Variants in NIN observed in about 807,000 individuals in gnomAD.
The protein encoded by NIN is glycogen synthase kinase 3 beta-interacting protein.
Under a neutral mutation model 257.6 loss-of-function variants are expected in NIN, and 137 were observed. The ratio of observed to expected loss-of-function variants is 0.53; its 90% CI spans 0.46 to 0.61. NIN has a LOEUF of 0.61. Ranked by LOEUF, NIN falls within the 20% of genes least tolerant of loss-of-function variation. The pLI, the probability that NIN is intolerant of heterozygous loss-of-function variation, is 0.00. For synonymous variants in NIN, 918 were observed against 919.8 expected (o/e 1.00, Z 0.04); for missense variants, 2,439 against 2,501.2 (o/e 0.98, Z 0.53).
chr14:50,727,346 A>AG, intron 29 of NIN: 9 of 988,252 alleles, frequency 9.1e-6, no homozygotes, highest in Non-Finnish European at 1.1e-5. Context: ...CATATATAAA[A>AG]GTAGTACCTT....
chr14:50,763,458 G>A (rs1357784422), intron 15 of NIN, among the ~76,000 whole-genome samples: 1 of 152,214 alleles, frequency 6.6e-6, no homozygotes, highest in Non-Finnish European at 1.5e-5. Flanking sequence ...CTTCATATGA[G>A]TTACACACTC....
chr14:50,825,145 C>A (rs902128055), intron 2 of NIN, among the ~76,000 whole-genome samples: 2 of 152,060 alleles, frequency 1.3e-5, no homozygotes, highest in African/African-American at 4.8e-5. Flanking sequence ...AAAGCTGATA[C>A]AAGAGGGAAT....
intron 29 of NIN, among the ~76,000 whole-genome samples, chr14:50,728,222 A>G (rs2040509407): frequency 6.6e-6 from 1 of 152,164 alleles, no homozygotes; most frequent in Non-Finnish European, 1.5e-5. Flanking sequence ...TAGAAGGTCC[A>G]CTAAAAACTG....
chr14:50,734,518 TTAAC>T (rs1459732023), intron 28 of NIN, among the ~76,000 whole-genome samples: 3 of 152,234 alleles, frequency 2.0e-5, no homozygotes, highest in Non-Finnish European at 4.4e-5. Context: ...AAATGTTAGA[TTAAC>T]TAATTTCATT....
intron 2 of NIN, among the ~76,000 whole-genome samples, chr14:50,823,963 G>C (rs2045349549): frequency 6.6e-6 from 1 of 152,180 alleles, no homozygotes; most frequent in Non-Finnish European, 1.5e-5. Flanking sequence ...GATTCACTTA[G>C]AGTCCACCAG....
At chr14:50,745,341 G>A (rs993203314) in intron 22 of NIN, among the ~76,000 whole-genome samples, 4 of 152,120 alleles carry the variant, frequency 2.6e-5, no homozygotes, top group African/African-American at 4.8e-5. Flanking sequence ...ATGTTCTGGG[G>A]CAGGAGAGCA....
intron 2 of NIN, among the ~76,000 whole-genome samples, chr14:50,826,153 G>C (rs1488450264): frequency 6.6e-6 from 1 of 152,192 alleles, no homozygotes; most frequent in Non-Finnish European, 1.5e-5. Context: ...CCAGAGGCAG[G>C]AGTCTTACTC....
intron 21 of NIN, among the ~76,000 whole-genome samples, chr14:50,751,444 T>C (rs560137945): frequency 6.6e-6 from 1 of 152,098 alleles, no homozygotes; most frequent in African/African-American, 2.4e-5. Flanking sequence ...TATGCTGTCA[T>C]ATTTTAAAAT....
rs149410483 is a variant in NIN at position 50,722,850 on chromosome 14, A to G, written c.*613T>C. 85 of 211,618 alleles carry G rather than the reference A, an allele frequency of 4.0e-4. 2 individuals are homozygous for G. In the East Asian group the frequency reaches 5.9e-3, roughly 15 times the overall value. The allele number at this position is 211,618 out of a possible 1,614,324, so 13.1% of individuals were successfully genotyped here. A position where few individuals can be genotyped will look rare whatever the true frequency, so the allele number is the denominator to read the frequency against. On this transcript the variant is annotated 3_prime_UTR_variant, in exon 31 of 31. Transcript: ENST00000530997. ...AATTGAGTAAATCAGTTCTAAATCT[A>G]TAATACAAGAAGAGTGGTAATACTG... is the stretch of plus-strand genomic sequence containing the variant.
intron 3 of NIN, among the ~76,000 whole-genome samples, chr14:50,809,448 A>C (rs1399079062): frequency 6.6e-6 from 1 of 152,148 alleles, no homozygotes; most frequent in Non-Finnish European, 1.5e-5. Context: ...AAGGATATTA[A>C]TGGAGGGGAC....
intron 3 of NIN, among the ~76,000 whole-genome samples, chr14:50,808,433 C>T (rs1011313187): frequency 5.3e-5 from 8 of 152,176 alleles, no homozygotes; most frequent in African/African-American, 1.9e-4. Flanking sequence ...AAGCCAGGAA[C>T]AGGGTTAGGA....
At chr14:50,748,832 C>T (rs2140649790) in intron 21 of NIN, among the ~76,000 whole-genome samples, 1 of 152,292 alleles carries the variant, frequency 6.6e-6, no homozygotes, top group East Asian at 1.9e-4. Context: ...AATGGGAAAA[C>T]ATTCCATGCT....
At chr14:50,827,756 CAAAAAAAA>C (rs370926505) in intron 2 of NIN, among the ~76,000 whole-genome samples, 1 of 107,144 alleles carries the variant, frequency 9.3e-6, no homozygotes, top group African/African-American at 3.9e-5. Context: ...GACTCCGTAT[CAAAAAAAA>C]AAAAAAAAAG....
At chr14:50,806,296 TA>T in intron 4 of NIN, 1 of 152,850 alleles carries the variant, frequency 6.5e-6, no homozygotes, top group South Asian at 2.1e-4. Context: ...AGGAGACAGA[TA>T]ATTATAATGT....
intron 5 of NIN, among the ~76,000 whole-genome samples, chr14:50,790,444 T>C (rs968023776): frequency 6.6e-6 from 1 of 152,136 alleles, no homozygotes; most frequent in African/African-American, 2.4e-5. Flanking sequence ...AAGAAAGCAG[T>C]TGGATGAGCT....
intron 17 of NIN, among the ~76,000 whole-genome samples, chr14:50,759,528 C>G (rs2042184147): frequency 6.7e-6 from 1 of 149,776 alleles, no homozygotes; most frequent in Non-Finnish European, 1.5e-5. Context: ...GAGTCTCGCT[C>G]TGTCGCCCAG....
intron 7 of NIN, among the ~76,000 whole-genome samples, chr14:50,774,020 A>G (rs55896854): frequency 0.012 from 1,847 of 152,326 alleles, 36 homozygotes; most frequent in African/African-American, 0.041. Context: ...CATGCCTCCA[A>G]TGTACAAAAT....
chr14:50,785,132 C>T lies in NIN; in HGVS notation c.436-6328G>A, dbSNP rs757355642. On this transcript the variant is annotated intron_variant, in intron 5 of 30. Coordinates refer to ENST00000530997, the MANE Select transcript of NIN (RefSeq NM_020921.4). The stretch of plus-strand genomic sequence containing the variant: ...TGTCCTACAGCTGGACAAGGGTGCC[C>T]TGCACACAGCGGCTGCACAGGCGGC... 3.0e-4 allele frequency among the ~76,000 whole-genome samples: 46 copies of T among 152,376 alleles called. No individual in the cohort carries two copies. In the Middle Eastern group the frequency reaches 0.014, roughly 45 times the overall value.
At chr14:50,784,369 G>A (rs1486799874) in intron 5 of NIN, among the ~76,000 whole-genome samples, 2 of 152,200 alleles carry the variant, frequency 1.3e-5, no homozygotes, top group Non-Finnish European at 2.9e-5. Context: ...CTTACTCGTG[G>A]TGTGACCTTG....
Sources: gnomAD v4.1 joint callset for allele counts (sites outside exome capture counted in the v4.1 genomes callset) on GRCh38, gnomAD v4.1.1 for gene constraint, MANE v1.5 for transcripts, NCBI Gene and HGNC (gene_info 2026-07-23, HGNC 2026-07-21) for gene names.